TBL1XR1: variants seen among roughly 807,000 people sequenced by gnomAD.
The protein encoded by TBL1XR1 is TBL1X/Y related 1.
A neutral mutation model predicts 66.9 loss-of-function variants in TBL1XR1; 5 were observed. That is an observed-to-expected ratio of 0.07 (90% CI 0.04 to 0.16). The LOEUF is 0.16. Ranked by LOEUF, TBL1XR1 falls within the 10% of genes least tolerant of loss-of-function variation. The pLI is 1.00. For missense variants in TBL1XR1, 238 were observed against 623.2 expected, an observed-to-expected ratio of 0.38 and a Z score of 6.58; for synonymous variants, 210 against 206.0, an observed-to-expected ratio of 1.02 and a Z score of -0.17.
At chr3:177,093,087 T>A (rs997350556) in intron 2 of TBL1XR1, among the ~76,000 whole-genome samples, 2 of 152,072 alleles carry the variant, frequency 1.3e-5, no homozygotes, top group African/African-American at 4.8e-5. Flanking sequence ...TCCAAAAAGT[T>A]CCTAGAAGTG....
intron 1 of TBL1XR1, among the ~76,000 whole-genome samples, chr3:177,166,253 A>G (rs904665248): frequency 2.6e-5 from 4 of 152,202 alleles, no homozygotes; most frequent in Non-Finnish European, 5.9e-5. Flanking sequence ...TGATAATGAG[A>G]TAAATAAAAT....
intron 1 of TBL1XR1, among the ~76,000 whole-genome samples, chr3:177,109,888 A>G (rs926984358): frequency 6.6e-6 from 1 of 152,118 alleles, no homozygotes; most frequent in African/African-American, 2.4e-5. Context: ...AGCTTCCTGT[A>G]TGCTCGATGT....
chr3:177,043,530 G>C (rs1475686374), intron 10 of TBL1XR1, among the ~76,000 whole-genome samples: 1 of 151,986 alleles, frequency 6.6e-6, no homozygotes, highest in Non-Finnish European at 1.5e-5. Flanking sequence ...ATGTACACTT[G>C]ATTAGTGATA....
intron 1 of TBL1XR1, among the ~76,000 whole-genome samples, chr3:177,149,907 C>A (rs1358537493): frequency 6.6e-6 from 1 of 152,166 alleles, no homozygotes; most frequent in Non-Finnish European, 1.5e-5. Context: ...AAACAGTGTG[C>A]TGACCTCTGC....
intron 1 of TBL1XR1, among the ~76,000 whole-genome samples, chr3:177,127,641 A>T (rs1727802855): frequency 6.6e-6 from 1 of 152,226 alleles, no homozygotes; most frequent in South Asian, 2.1e-4. Context: ...AAAGGGTATC[A>T]AACATGCAGT....
chr3:177,180,510 TA>T (rs1440423727), intron 1 of TBL1XR1, among the ~76,000 whole-genome samples: 1 of 152,088 alleles, frequency 6.6e-6, no homozygotes, highest in Non-Finnish European at 1.5e-5. Context: ...TATTTTTAAA[TA>T]TTTTTTAGAA....
chr3:177,075,157 C>T (rs901624586), intron 2 of TBL1XR1, among the ~76,000 whole-genome samples: 5 of 152,232 alleles, frequency 3.3e-5, no homozygotes, highest in African/African-American at 7.2e-5. Flanking sequence ...ATCCCTCCAA[C>T]GGAAAAGAGA....
intron 1 of TBL1XR1, among the ~76,000 whole-genome samples, chr3:177,119,692 T>C (rs1415015970): frequency 1.3e-5 from 2 of 152,232 alleles, no homozygotes; most frequent in Non-Finnish European, 2.9e-5. Context: ...TTTTAGATTA[T>C]ACTTCTGTGA....
At chr3:177,108,198 C>A (rs555755420) in intron 1 of TBL1XR1, among the ~76,000 whole-genome samples, 2 of 152,182 alleles carry the variant, frequency 1.3e-5, no homozygotes, top group South Asian at 4.1e-4. Flanking sequence ...CAAGCAAAAA[C>A]ACTTACTATT....
At chr3:177,098,273 A>T (rs1723749674) in intron 2 of TBL1XR1, among the ~76,000 whole-genome samples, 193 bp downstream of exon 2, 3 of 152,176 alleles carry the variant, frequency 2.0e-5, no homozygotes, top group Admixed American at 2.0e-4. Context: ...TTCCTTTACA[A>T]AATATTCAAA....
intron 1 of TBL1XR1, among the ~76,000 whole-genome samples, chr3:177,167,144 A>T (rs544885944): frequency 2.0e-5 from 3 of 152,224 alleles, no homozygotes; most frequent in African/African-American, 7.2e-5. Context: ...CATGCAGACA[A>T]TGGATTATTA....
At chr3:177,076,037 G>A (rs1485270070) in intron 2 of TBL1XR1, among the ~76,000 whole-genome samples, 1 of 152,230 alleles carries the variant, frequency 6.6e-6, no homozygotes, top group Non-Finnish European at 1.5e-5. Context: ...TCTGGAGGCT[G>A]TGAAGCCCAA....
At position 177,173,717 on chromosome 3, in the gene TBL1XR1, T is replaced by A. The variant is rs547435698; in HGVS notation, c.-122+23404A>T. Among the ~76,000 whole-genome samples, 11 of 152,286 alleles carry A rather than the reference T, an allele frequency of 7.2e-5. 1 individual carries two copies. In the South Asian group the frequency reaches 2.3e-3, roughly 32 times the overall value. On this transcript the variant is annotated intron_variant, in intron 1 of 15. Coordinates refer to ENST00000457928, the MANE Select transcript of TBL1XR1 (RefSeq NM_024665.7). The stretch of plus-strand genomic sequence containing the variant: ...AAACCGGAGAAATCCAAATAAAACC[T>A]ATAGTTTAGTATTATACCAATGTTC...
At chr3:177,137,831 A>G (rs1371938728) in intron 1 of TBL1XR1, among the ~76,000 whole-genome samples, 1 of 151,912 alleles carries the variant, frequency 6.6e-6, no homozygotes, top group Non-Finnish European at 1.5e-5. Flanking sequence ...ATTAGCCATG[A>G]ATGGTGGTGG....
At chr3:177,110,586 T>C (rs1036280899) in intron 1 of TBL1XR1, among the ~76,000 whole-genome samples, 1 of 152,172 alleles carries the variant, frequency 6.6e-6, no homozygotes, top group Non-Finnish European at 1.5e-5. Context: ...TGCATAAAGC[T>C]AGAACTATGA....
At chr3:177,133,045 T>C (rs1032594302) in intron 1 of TBL1XR1, among the ~76,000 whole-genome samples, 1 of 152,184 alleles carries the variant, frequency 6.6e-6, no homozygotes, top group Non-Finnish European at 1.5e-5. Context: ...TCCCAGCACT[T>C]TCAGAAGCCA....
intron 3 of TBL1XR1, among the ~76,000 whole-genome samples, 164 bp from the exon 4 acceptor site, chr3:177,054,082 G>A (rs562314612): frequency 2.0e-4 from 30 of 149,942 alleles, no homozygotes; most frequent in African/African-American, 6.5e-4. Context: ...GTGCGCGCGC[G>A]TGTGTGTGCA....
chr3:177,019,714 T>G lies in TBL1XR1; in HGVS notation c.*5784A>C, dbSNP rs1712114284. 6.6e-6 allele frequency: 1 copy of G among 152,164 alleles called. No individual in the cohort carries two copies. The highest frequency in any genetic ancestry group is 6.6e-5 in the Admixed American group (1 of 15,266). The allele number at this position is 152,164 out of a possible 1,614,324, so 9.4% of individuals were successfully genotyped here. ...TAACTATGAAATTAAAAATAATCCC[T>G]TCTATTACTGTTCAAATTAGTTTCA... On this transcript the variant is annotated 3_prime_UTR_variant, in exon 16 of 16. Transcript: ENST00000457928.
intron 1 of TBL1XR1, among the ~76,000 whole-genome samples, chr3:177,190,574 T>C (rs1419875034): frequency 6.6e-6 from 1 of 152,142 alleles, no homozygotes; most frequent in Non-Finnish European, 1.5e-5. Context: ...TGCCTGGGCC[T>C]CCCAAAGTGC....
Sources: gnomAD v4.1 joint callset for allele counts (sites outside exome capture counted in the v4.1 genomes callset) on GRCh38, gnomAD v4.1.1 for gene constraint, MANE v1.5 for transcripts, NCBI Gene and HGNC (gene_info 2026-07-23, HGNC 2026-07-21) for gene names.